The following IL34 variants were observed in gnomAD, a reference collection of about 807,000 sequenced individuals.
IL34 encodes interleukin-34.
Under a neutral mutation model 25.3 loss-of-function variants are expected in IL34, and 17 were observed. That is an observed-to-expected ratio of 0.67 (90% confidence interval 0.46 to 1.01). The LOEUF (loss-of-function observed/expected upper bound fraction) is 1.01. Ranked by LOEUF, IL34 falls within the 50% of genes least tolerant of loss-of-function variation. IL34 has a pLI of 0.00. For synonymous variants in IL34, 174 were observed against 140.9 expected (o/e 1.23, Z -1.66); for missense variants, 368 against 312.9 (o/e 1.18, Z -1.33).
intron 1 of IL34, among the ~76,000 whole-genome samples, chr16:70,636,193 C>A (rs1011889368): frequency 2.6e-5 from 4 of 151,852 alleles, no homozygotes; most frequent in African/African-American, 7.3e-5. Context: ...TGTGTGCCAC[C>A]ACGCCCAGCT....
intron 1 of IL34, among the ~76,000 whole-genome samples, chr16:70,649,679 G>T (rs369224283): frequency 5.3e-5 from 8 of 152,318 alleles, no homozygotes; most frequent in African/African-American, 1.2e-4. Context: ...GGGGTGACAA[G>T]CCTCACTTGT....
upstream of IL34, among the ~76,000 whole-genome samples, chr16:70,643,886 G>A (rs2051844596): frequency 6.6e-6 from 1 of 152,124 alleles, no homozygotes. Context: ...CTACATGCTG[G>A]TGAAATGGCA....
At chr16:70,648,498 G>C (rs1156576116) in intron 1 of IL34, among the ~76,000 whole-genome samples, 1 of 133,682 alleles carries the variant, frequency 7.5e-6, no homozygotes, top group African/African-American at 2.9e-5. Context: ...GGCTGCAGTA[G>C]CAAGGATCGC....
At chr16:70,625,952 G>A (rs2151843508) in intron 1 of IL34, among the ~76,000 whole-genome samples, 1 of 152,338 alleles carries the variant, frequency 6.6e-6, no homozygotes, top group South Asian at 2.1e-4. Flanking sequence ...AGAGCAAAGA[G>A]CAGGAGGACA....
At chr16:70,585,311 C>G (rs2050679826) in intron 1 of IL34, among the ~76,000 whole-genome samples, 1 of 152,152 alleles carries the variant, frequency 6.6e-6, no homozygotes, top group African/African-American at 2.4e-5. Context: ...AAACATGGTT[C>G]ACTGCAGGCT....
chr16:70,591,836 C>G (rs1463263616), intron 1 of IL34, among the ~76,000 whole-genome samples: 2 of 152,222 alleles, frequency 1.3e-5, no homozygotes, highest in African/African-American at 4.8e-5. Context: ...TCTCCCTTCC[C>G]CCTGCTGTTG....
chr16:70,590,776 G>A (rs889480509), intron 1 of IL34, among the ~76,000 whole-genome samples: 2 of 152,140 alleles, frequency 1.3e-5, no homozygotes, highest in African/African-American at 2.4e-5. Flanking sequence ...CAGGCAGTCC[G>A]GCTTGAGCCC....
intron 1 of IL34, among the ~76,000 whole-genome samples, chr16:70,618,593 A>G (rs1175243737): frequency 6.6e-6 from 1 of 152,200 alleles, no homozygotes; most frequent in African/African-American, 2.4e-5. Context: ...GCTAGGCTAA[A>G]ACAGTAAGGT....
intron 1 of IL34, 125 bp from the exon 2 acceptor site, chr16:70,654,413 A>T: frequency 7.5e-7 from 1 of 1,326,624 alleles, no homozygotes; most frequent in South Asian, 1.5e-5. Flanking sequence ...GCCCCCCACC[A>T]CACCTTTCCC....
At chr16:70,625,437 C>A (rs147116559) in intron 1 of IL34, among the ~76,000 whole-genome samples, 1 of 151,990 alleles carries the variant, frequency 6.6e-6, no homozygotes. Context: ...GCGGGACTTG[C>A]CGCTAAGGGC....
intron 1 of IL34, among the ~76,000 whole-genome samples, chr16:70,637,210 A>G (rs920894336): frequency 6.6e-6 from 1 of 151,696 alleles, no homozygotes; most frequent in Non-Finnish European, 1.5e-5. Flanking sequence ...TTTTGCCTCT[A>G]GCTTTGCATG....
intron 1 of IL34, among the ~76,000 whole-genome samples, chr16:70,641,149 C>CT (rs1325011670): frequency 5.3e-5 from 8 of 152,078 alleles, no homozygotes; most frequent in Admixed American, 3.9e-4. Context: ...TGGTGCACGC[C>CT]TGTAATCATA....
At chr16:70,581,468 T>C (rs2050635626) in intron 1 of IL34, among the ~76,000 whole-genome samples, 1 of 151,892 alleles carries the variant, frequency 6.6e-6, no homozygotes, top group Non-Finnish European at 1.5e-5. Flanking sequence ...GTATTCTGCA[T>C]CCAGAATGAA....
At chr16:70,647,921 G>T (rs1488643988) in intron 1 of IL34, among the ~76,000 whole-genome samples, 1 of 152,226 alleles carries the variant, frequency 6.6e-6, no homozygotes, top group Non-Finnish European at 1.5e-5. Context: ...TACTGGAAAT[G>T]GTCTAGAAGG....
At chr16:70,656,337 G>C (rs1278274982) in intron 2 of IL34, among the ~76,000 whole-genome samples, 2 of 152,242 alleles carry the variant, frequency 1.3e-5, no homozygotes, top group East Asian at 3.9e-4. Flanking sequence ...TGGGCAACAA[G>C]AAGAAACCCC....
chr16:70,599,305 C>CT (rs1253810022), intron 1 of IL34, among the ~76,000 whole-genome samples: 12 of 60,324 alleles, frequency 2.0e-4, no homozygotes, highest in African/African-American at 6.8e-4. Flanking sequence ...TCTTTCTTTC[C>CT]TTCTTTCTTT....
At chr16:70,645,112 G>A (rs202102677), upstream of IL34, among the ~76,000 whole-genome samples, 26 of 124,644 alleles carry the variant, frequency 2.1e-4, no homozygotes, top group East Asian at 7.1e-4. Flanking sequence ...GGAAAGAGGA[G>A]GAAGAAGAGG....
At chr16:70,626,910 T>C (rs1416380396) in intron 1 of IL34, among the ~76,000 whole-genome samples, 1 of 152,216 alleles carries the variant, frequency 6.6e-6, no homozygotes, top group African/African-American at 2.4e-5. Context: ...CAGAACTTGC[T>C]ACTCTTTTCC....
chr16:70,647,118 T>G, intron 1 of IL34, 143 bp downstream of exon 1: 15 of 740,448 alleles, frequency 2.0e-5, no homozygotes, highest in Non-Finnish European at 2.4e-5. Context: ...CCCTCTGAGA[T>G]TCCCACGGCC....
Sources: gnomAD v4.1 joint callset for allele counts (sites outside exome capture counted in the v4.1 genomes callset) on GRCh38, gnomAD v4.1.1 for gene constraint, MANE v1.5 for transcripts, NCBI Gene and HGNC (gene_info 2026-07-23, HGNC 2026-07-21) for gene names.